DAB1: variants seen among roughly 807,000 people sequenced by gnomAD.
DAB1 encodes disabled homolog 1.
DAB1 carries 15 observed loss-of-function variants against 64.6 expected under a neutral mutation model. The ratio of observed to expected loss-of-function variants is 0.23; its 90% CI spans 0.16 to 0.36. The LOEUF is 0.36. DAB1 is among the 10% of genes least tolerant of loss of function. The probability of loss-of-function intolerance (pLI) is 1.00; values close to 1 mark genes in which losing one functional copy is unlikely to be tolerated. For missense variants in DAB1, 596 were observed against 706.7 expected (o/e 0.84, Z 1.78); for synonymous variants, 235 against 251.9 (o/e 0.93, Z 0.64).
chr1:58,299,887 C>T (rs1164162146), intron 4 of DAB1, among the ~76,000 whole-genome samples: 2 of 152,168 alleles, frequency 1.3e-5, no homozygotes, highest in African/African-American at 2.4e-5. Flanking sequence ...CCCTGTCCCT[C>T]CACATGCTTC....
chr1:58,346,148 G>A (rs187014507), intron 3 of DAB1, among the ~76,000 whole-genome samples: 4 of 152,310 alleles, frequency 2.6e-5, no homozygotes, highest in East Asian at 1.9e-4. Flanking sequence ...ACGGCAGTCC[G>A]GCCCATACAG....
intron 5 of DAB1, among the ~76,000 whole-genome samples, chr1:58,035,966 G>A (rs529229039): frequency 5.3e-5 from 8 of 152,296 alleles, no homozygotes; most frequent in South Asian, 4.1e-4. Flanking sequence ...ATGCACATCC[G>A]TGTACGGTTG....
chr1:57,054,766 C>T (rs765183325), intron 9 of DAB1, among the ~76,000 whole-genome samples: 7 of 152,146 alleles, frequency 4.6e-5, no homozygotes, highest in Admixed American at 6.5e-5. Context: ...GCGTGTGCCA[C>T]GGCACCCGGC....
intron 2 of DAB1, among the ~76,000 whole-genome samples, chr1:57,288,044 C>T (rs999038419): frequency 6.6e-6 from 1 of 152,156 alleles, no homozygotes; most frequent in African/African-American, 2.4e-5. Flanking sequence ...GTTCTGCCTG[C>T]CTCAGCCTCC....
At chr1:58,322,193 G>T (rs1662700780) in intron 4 of DAB1, among the ~76,000 whole-genome samples, 1 of 152,324 alleles carries the variant, frequency 6.6e-6, no homozygotes, top group African/African-American at 2.4e-5. Flanking sequence ...AAGACCTCAT[G>T]ACTAAAACAC....
intron 7 of DAB1, among the ~76,000 whole-genome samples, chr1:57,523,192 T>C (rs1644550812): frequency 1.3e-5 from 2 of 152,182 alleles, no homozygotes. Flanking sequence ...CTTCCCTGTC[T>C]GTTATCAGAA....
At chr1:57,572,266 CACTACTG>C (rs1308618735) in intron 7 of DAB1, among the ~76,000 whole-genome samples, 2 of 152,148 alleles carry the variant, frequency 1.3e-5, no homozygotes, top group Admixed American at 1.3e-4. Flanking sequence ...ATCCCCGCCC[CACTACTG>C]ACTAGCTGTG....
chr1:58,062,131 C>T (rs1648538680), intron 5 of DAB1, among the ~76,000 whole-genome samples: 1 of 152,240 alleles, frequency 6.6e-6, no homozygotes, highest in South Asian at 2.1e-4. Context: ...ATTAAAATAT[C>T]CTATATATAG....
chr1:57,967,798 C>A (rs1032809725), intron 5 of DAB1, among the ~76,000 whole-genome samples: 1 of 152,088 alleles, frequency 6.6e-6, no homozygotes, highest in Non-Finnish European at 1.5e-5. Flanking sequence ...AGTAAGTGTT[C>A]AATAAATGAC....
intron 5 of DAB1, among the ~76,000 whole-genome samples, chr1:58,025,671 A>G (rs538519602): frequency 6.9e-6 from 1 of 144,716 alleles, no homozygotes; most frequent in East Asian, 2.0e-4. Context: ...ATATATATAT[A>G]TATATATATA....
chr1:58,025,563 G>T lies in DAB1; in HGVS notation n.387+124948C>A, dbSNP rs543030817. On this transcript the variant is annotated intron_variant and non_coding_transcript_variant, in intron 5 of 20. Coordinates refer to the DAB1 transcript ENST00000485760. The stretch of plus-strand genomic sequence containing the variant: ...AAATATAATATTATATATATATAGA[G>T]AGAGAGCCTTTCATATATTTTATTT... Among the ~76,000 whole-genome samples the T allele has an allele frequency of 4.3e-3, 629 of 146,294 alleles. 7 individuals carry two copies. Among genetic ancestry groups the T allele is most frequent in the Non-Finnish European group, 7.1e-3 (472 of 66,816 alleles).
At chr1:57,728,576 A>G (rs1027370773) in intron 6 of DAB1, among the ~76,000 whole-genome samples, 1 of 152,098 alleles carries the variant, frequency 6.6e-6, no homozygotes, top group Non-Finnish European at 1.5e-5. Flanking sequence ...CCTGGGCCAC[A>G]GAGCAAGACT....
chr1:57,638,834 T>C (rs944250174), intron 7 of DAB1, among the ~76,000 whole-genome samples: 2 of 152,110 alleles, frequency 1.3e-5, no homozygotes, highest in South Asian at 2.1e-4. Flanking sequence ...TGGAAACAAA[T>C]ACAAGGGTGT....
chr1:57,716,028 G>A (rs575997182), intron 6 of DAB1, among the ~76,000 whole-genome samples: 1 of 152,216 alleles, frequency 6.6e-6, no homozygotes, highest in East Asian at 1.9e-4. Context: ...TCCTGCCTCA[G>A]CCTCCTGAGA....
intron 3 of DAB1, among the ~76,000 whole-genome samples, chr1:58,455,930 A>G (rs1354259803): frequency 6.6e-6 from 1 of 152,224 alleles, no homozygotes; most frequent in African/African-American, 2.4e-5. Flanking sequence ...GGGCACACCC[A>G]TAGCAGGGGC....
At chr1:57,152,887 T>C (rs1659828738) in intron 2 of DAB1, among the ~76,000 whole-genome samples, 1 of 152,198 alleles carries the variant, frequency 6.6e-6, no homozygotes, top group Non-Finnish European at 1.5e-5. Context: ...ACCCAGGTCT[T>C]CATAAATCCA....
chr1:57,570,537 C>T (rs1645182071), intron 7 of DAB1, among the ~76,000 whole-genome samples: 1 of 152,014 alleles, frequency 6.6e-6, no homozygotes, highest in Non-Finnish European at 1.5e-5. Context: ...GTCTGTATGC[C>T]TATTTTTATA....
At chr1:57,674,290 T>C (rs1326326085) in intron 6 of DAB1, among the ~76,000 whole-genome samples, 2 of 152,072 alleles carry the variant, frequency 1.3e-5, no homozygotes, top group Non-Finnish European at 2.9e-5. Context: ...CAAGAAGAGA[T>C]ATTGTGAGAT....
chr1:57,233,939 T>C (rs1049141771), intron 2 of DAB1, among the ~76,000 whole-genome samples: 1 of 152,150 alleles, frequency 6.6e-6, no homozygotes, highest in East Asian at 1.9e-4. Context: ...CATTGCCAGC[T>C]GCCAAAACGG....
Sources: allele counts gnomAD v4.1 joint callset (sites outside exome capture counted in the v4.1 genomes callset), GRCh38; gene constraint gnomAD v4.1.1; transcripts MANE v1.5; gene names NCBI Gene and HGNC (gene_info 2026-07-23, HGNC 2026-07-21).